The following GLIS3 variants were observed in gnomAD, a reference collection of about 807,000 sequenced individuals.
The protein encoded by GLIS3 is zinc finger protein GLIS3.
In GLIS3, 53 loss-of-function variants were observed where a neutral mutation model predicts 78.6. The observed-to-expected ratio is 0.67, with a 90% CI of 0.54 to 0.85. The LOEUF (loss-of-function observed/expected upper bound fraction) is 0.85. GLIS3 is among the 40% of genes least tolerant of loss of function. The pLI is 0.00. For synonymous variants in GLIS3, 684 were observed against 509.9 expected, an observed-to-expected ratio of 1.34 and a Z score of -4.60; for missense variants, 1,703 against 1,231.1, an observed-to-expected ratio of 1.38 and a Z score of -5.74.
At chr9:4,041,391 G>A (rs1824799063) in intron 4 of GLIS3, among the ~76,000 whole-genome samples, 1 of 152,202 alleles carries the variant, frequency 6.6e-6, no homozygotes, top group African/African-American at 2.4e-5. Context: ...CTGCTTTTGA[G>A]AAGCCTTGCT....
At chr9:4,313,264 T>G (rs936259053) in intron 2 of GLIS3, among the ~76,000 whole-genome samples, 1 of 152,190 alleles carries the variant, frequency 6.6e-6, no homozygotes, top group Non-Finnish European at 1.5e-5. Flanking sequence ...CTCTGGCAAG[T>G]GTGTCTGCCT....
chr9:4,121,670 T>G (rs1323631682), intron 3 of GLIS3, among the ~76,000 whole-genome samples: 2 of 142,030 alleles, frequency 1.4e-5, no homozygotes, highest in African/African-American at 5.3e-5. Context: ...CACCCCAAAG[T>G]TCTTAGAGAA....
intron 4 of GLIS3, among the ~76,000 whole-genome samples, chr9:4,057,732 T>C (rs554204840): frequency 6.6e-6 from 1 of 152,190 alleles, no homozygotes; most frequent in Admixed American, 6.5e-5. Flanking sequence ...TTTACTCAAC[T>C]TTTTCAATGG....
the GLIS3 span, among the ~76,000 whole-genome samples, chr9:4,448,879 C>A: frequency 2.0e-5 from 3 of 152,190 alleles, no homozygotes; most frequent in Non-Finnish European, 1.5e-5. Context: ...GGAATAGCTC[C>A]AGTCTGCAGC....
chr9:4,477,389 G>A, the GLIS3 span, among the ~76,000 whole-genome samples: 9 of 124,048 alleles, frequency 7.3e-5, no homozygotes, highest in Non-Finnish European at 1.2e-4. Context: ...GGGAGGTGGG[G>A]AATAGGACAT....
At chr9:3,907,625 G>GACACAC (rs1009788837) in intron 6 of GLIS3, among the ~76,000 whole-genome samples, 2 of 102,348 alleles carry the variant, frequency 2.0e-5, no homozygotes, top group African/African-American at 7.0e-5. Flanking sequence ...CACACACACA[G>GACACAC]ACACACACAC....
intron 7 of GLIS3, among the ~76,000 whole-genome samples, chr9:3,882,923 T>TGTAA (rs1177408573): frequency 6.6e-6 from 1 of 152,234 alleles, no homozygotes; most frequent in African/African-American, 2.4e-5. Context: ...AGTAGAAGCC[T>TGTAA]GTAAGTCAGT....
At chr9:4,182,500 G>A (rs13287438) in intron 2 of GLIS3, among the ~76,000 whole-genome samples, 20,462 of 152,212 alleles carry the variant, frequency 0.13, 1,543 homozygotes, top group Middle Eastern at 0.24. Context: ...TGACAGTATA[G>A]GGCAGAGGTT....
At chr9:4,240,198 G>C (rs983535691) in intron 2 of GLIS3, among the ~76,000 whole-genome samples, 30 of 24,114 alleles carry the variant, frequency 1.2e-3, no homozygotes, top group African/African-American at 5.1e-3. Context: ...GGGGAGGTGG[G>C]GGGGGGGGAT....
At chr9:4,001,012 G>A (rs1821092092) in intron 4 of GLIS3, among the ~76,000 whole-genome samples, 1 of 152,182 alleles carries the variant, frequency 6.6e-6, no homozygotes, top group Non-Finnish European at 1.5e-5. Context: ...GCCAGGAGCT[G>A]TGTTTTCAGC....
At position 4,118,652 on chromosome 9, in the gene GLIS3, T is replaced by C. The variant is rs1343873471; in HGVS notation, c.826A>G (p.Thr276Ala). Residue 276 changes from threonine to alanine, a missense_variant, in exon 4 of 11, where the codon ACG becomes GCG. Coordinates refer to ENST00000381971, the MANE Select transcript of GLIS3 (RefSeq NM_001042413.2). The surrounding 1 kb of genome is among the most constrained non-coding windows in gnomAD (Gnocchi z 4.7). ...GGGTAAGGAGAGTGGCTACTTTCCGTGCCAAAAAGGTAGGATGGTAATGAG... is the reference window on the plus strand; with the variant it reads ...GGGTAAGGAGAGTGGCTACTTTCCGCGCCAAAAAGGTAGGATGGTAATGAG... ...SNSLPSYLFG[T>A]ESSHSPYPSP... The C allele has an allele frequency of 6.2e-7, 1 of 1,614,004 alleles. No individual in the cohort carries two copies.
At chr9:4,458,202 T>C in the GLIS3 span, among the ~76,000 whole-genome samples, 1 of 152,142 alleles carries the variant, frequency 6.6e-6, no homozygotes, top group African/African-American at 2.4e-5. Flanking sequence ...GGAGAAAACA[T>C]GGCCTCCCAC....
chr9:4,463,506 G>A, the GLIS3 span, among the ~76,000 whole-genome samples: 4 of 151,782 alleles, frequency 2.6e-5, no homozygotes, highest in Non-Finnish European at 5.9e-5. Context: ...TTTTAATGTT[G>A]GCAATCTCAG....
the GLIS3 span, among the ~76,000 whole-genome samples, chr9:4,388,164 C>T: frequency 1.3e-5 from 2 of 152,186 alleles, no homozygotes; most frequent in Admixed American, 6.5e-5. Flanking sequence ...AACCCCTTCA[C>T]AAATAAAAGT....
the GLIS3 span, among the ~76,000 whole-genome samples, chr9:4,385,859 G>C: frequency 6.6e-6 from 1 of 151,806 alleles, no homozygotes; most frequent in East Asian, 1.9e-4. Context: ...TTTTCCTGGT[G>C]CACAAGGCTC....
At chr9:4,245,620 C>T (rs1489314428) in intron 2 of GLIS3, among the ~76,000 whole-genome samples, 1 of 152,132 alleles carries the variant, frequency 6.6e-6, no homozygotes, top group Non-Finnish European at 1.5e-5. Context: ...CAAGCAACTC[C>T]CTTAGACTCC....
At chr9:4,404,111 T>C in the GLIS3 span, among the ~76,000 whole-genome samples, 2 of 152,064 alleles carry the variant, frequency 1.3e-5, no homozygotes, top group African/African-American at 4.8e-5. Context: ...AGACAAAAAC[T>C]GTAAGAAGAG....
intron 4 of GLIS3, among the ~76,000 whole-genome samples, chr9:4,096,010 A>C (rs1371636929): frequency 7.7e-5 from 2 of 25,874 alleles, no homozygotes; most frequent in African/African-American, 5.2e-4. Flanking sequence ...TAACCTATAC[A>C]AAAAAAAAAA....
the GLIS3 span, among the ~76,000 whole-genome samples, chr9:4,423,384 T>G: frequency 6.6e-6 from 1 of 152,130 alleles, no homozygotes; most frequent in Non-Finnish European, 1.5e-5. Context: ...ACAAGAGTTC[T>G]ACTCAACCCA....
Sources: gnomAD v4.1 joint callset for allele counts (sites outside exome capture counted in the v4.1 genomes callset) on GRCh38, gnomAD v4.1.1 for gene constraint, Gnocchi (gnomAD v3.1) non-coding constraint, MANE v1.5 for transcripts, NCBI Gene and HGNC (gene_info 2026-07-23, HGNC 2026-07-21) for gene names.